RNF150: variants seen among roughly 807,000 people sequenced by gnomAD.
The protein encoded by RNF150 is ring finger protein 150.
A neutral mutation model predicts 39.3 loss-of-function variants in RNF150; 24 were observed. That is an observed-to-expected ratio of 0.61 (90% confidence interval 0.44 to 0.86). RNF150 has a LOEUF of 0.86. Among genes scored for constraint, RNF150 ranks in the 40% least tolerant of loss-of-function variants. The probability of loss-of-function intolerance (pLI) is 0.00; values close to 1 mark genes in which losing one functional copy is unlikely to be tolerated. For missense variants in RNF150, 502 were observed against 587.8 expected (o/e 0.85, Z 1.51); for synonymous variants, 255 against 227.3 (o/e 1.12, Z -1.10).
chr4:140,955,599 C>G (rs1732717779), intron 2 of RNF150, among the ~76,000 whole-genome samples: 1 of 152,082 alleles, frequency 6.6e-6, no homozygotes, highest in South Asian at 2.1e-4. Context: ...CTAAAAAAAG[C>G]AAATCAAGGG....
At chr4:141,136,333 C>A (rs1490249752), upstream of RNF150, among the ~76,000 whole-genome samples, 1 of 151,856 alleles carries the variant, frequency 6.6e-6, no homozygotes, top group African/African-American at 2.4e-5. Flanking sequence ...ATTCTTTCTG[C>A]AACTTACTCT....
intron 1 of RNF150, among the ~76,000 whole-genome samples, chr4:141,104,288 C>T (rs1739124229): frequency 6.6e-6 from 1 of 152,188 alleles, no homozygotes; most frequent in Non-Finnish European, 1.5e-5. Context: ...TCGTGGGTGT[C>T]AAGCATAACC....
At chr4:141,026,455 C>T (rs979988337) in intron 1 of RNF150, among the ~76,000 whole-genome samples, 15 of 152,072 alleles carry the variant, frequency 9.9e-5, no homozygotes, top group African/African-American at 3.6e-4. Context: ...TGGCTAGTGG[C>T]GACTGCACTG....
At chr4:141,127,766 A>G (rs1333796580) in intron 1 of RNF150, among the ~76,000 whole-genome samples, 1 of 152,136 alleles carries the variant, frequency 6.6e-6, no homozygotes, top group East Asian at 1.9e-4. Flanking sequence ...TTCTTCCTAG[A>G]CAGCTAGATG....
chr4:141,178,852 A>G (rs2111184689), intron 1 of RNF150, among the ~76,000 whole-genome samples: 1 of 150,546 alleles, frequency 6.6e-6, no homozygotes, highest in Non-Finnish European at 1.5e-5. Flanking sequence ...AACACATACT[A>G]GTGTTCTAGG....
intron 1 of RNF150, among the ~76,000 whole-genome samples, chr4:141,005,171 A>G (rs1734816886): frequency 6.6e-6 from 1 of 152,286 alleles, no homozygotes; most frequent in African/African-American, 2.4e-5. Context: ...CAAGTTAGGG[A>G]GCATAGAAGA....
At chr4:141,136,309 AG>A (rs1470538530), upstream of RNF150, among the ~76,000 whole-genome samples, 4 of 152,196 alleles carry the variant, frequency 2.6e-5, no homozygotes, top group Non-Finnish European at 2.9e-5. Context: ...TGAAGAATTT[AG>A]CAGTGATGAG....
chr4:141,155,375 G>A (rs957324355), intron 1 of RNF150, among the ~76,000 whole-genome samples: 47 of 151,466 alleles, frequency 3.1e-4, no homozygotes, highest in Non-Finnish European at 1.0e-4. Context: ...TGGGATTACA[G>A]GCGTGAGCCA....
chr4:140,983,739 C>CTT (rs35565844), intron 1 of RNF150, among the ~76,000 whole-genome samples: 28 of 129,668 alleles, frequency 2.2e-4, no homozygotes, highest in African/African-American at 5.7e-4. Context: ...GTATAACTGC[C>CTT]TTTTTTTTTT....
chr4:141,149,578 A>G (rs1325866580), intron 1 of RNF150, among the ~76,000 whole-genome samples: 1 of 152,176 alleles, frequency 6.6e-6, no homozygotes, highest in Non-Finnish European at 1.5e-5. Flanking sequence ...GTTCCTTTAT[A>G]TGGCTGAGTA....
chr4:141,133,071 CCGCGGGG>C lies in RNF150; in HGVS notation c.-270_-264del. 2.5e-6 allele frequency: 1 copy of C among 398,508 alleles called. No individual in the cohort carries two copies. Among genetic ancestry groups the C allele is most frequent in the Non-Finnish European group, 4.5e-6 (1 of 221,234 alleles). 24.7% of individuals were successfully genotyped at this position (398,508 alleles called of 1,614,324 possible). On this transcript the variant is annotated 5_prime_UTR_variant, in exon 1 of 7. The change creates a premature stop within an existing upstream ORF in the 5' untranslated region. Transcript: ENST00000515673. ...CCCGGGGGGCGCGGGAACAGAGGGC[CCGCGGGG>C]CTTGCGGAGGAGTCCTGCTGCCGAG... is the stretch of plus-strand genomic sequence containing the variant.
chr4:141,058,425 C>G (rs62327664), intron 1 of RNF150, among the ~76,000 whole-genome samples: 18,329 of 151,978 alleles, frequency 0.12, 1,131 homozygotes, highest in South Asian at 0.16. Context: ...AATATGTGTA[C>G]CCTTTGATTT....
chr4:140,988,595 T>C lies in RNF150; in HGVS notation c.485-20722A>G, dbSNP rs191067761. 4.6e-3 allele frequency among the ~76,000 whole-genome samples: 699 copies of C among 152,162 alleles called. 5 individuals are homozygous for C. Among genetic ancestry groups the C allele is most frequent in the African/African-American group, 0.016 (667 of 41,514 alleles). On this transcript the variant is annotated intron_variant, in intron 1 of 6. Transcript: ENST00000515673. Reference sequence around the variant, plus strand: ...TGTTGGTGTGCTGCACTCATTAACTTGTCATTTACATTAGGTATATCTCCT... The same window carrying C: ...TGTTGGTGTGCTGCACTCATTAACTCGTCATTTACATTAGGTATATCTCCT...
intron 1 of RNF150, among the ~76,000 whole-genome samples, chr4:140,972,199 C>G (rs955377485): frequency 7.2e-5 from 11 of 152,130 alleles, no homozygotes; most frequent in Admixed American, 1.3e-4. Flanking sequence ...CTATAGTCCT[C>G]TCTTGTTGAT....
intron 6 of RNF150, among the ~76,000 whole-genome samples, chr4:140,872,238 A>G (rs767068989): frequency 2.0e-5 from 3 of 152,252 alleles, no homozygotes; most frequent in African/African-American, 4.8e-5. Context: ...GCTATTAACA[A>G]CATAAATGTC....
intron 2 of RNF150, 145 bp from the exon 3 acceptor site, chr4:140,949,517 G>T: frequency 1.5e-6 from 1 of 674,242 alleles, no homozygotes; most frequent in Non-Finnish European, 2.6e-6. Flanking sequence ...GAAAAGACAG[G>T]GCAGTGGCAT....
chr4:140,909,484 C>G (rs1164147755), intron 6 of RNF150, among the ~76,000 whole-genome samples: 1 of 151,970 alleles, frequency 6.6e-6, no homozygotes, highest in African/African-American at 2.4e-5. Flanking sequence ...CTGTTTACTT[C>G]TTGAGCCACT....
At chr4:140,988,503 T>C (rs1462193351) in intron 1 of RNF150, among the ~76,000 whole-genome samples, 1 of 152,098 alleles carries the variant, frequency 6.6e-6, no homozygotes, top group African/African-American at 2.4e-5. Context: ...ATATATTTTA[T>C]TATACTTTAA....
chr4:141,119,917 A>G (rs1324302616), intron 1 of RNF150, among the ~76,000 whole-genome samples: 1 of 152,250 alleles, frequency 6.6e-6, no homozygotes, highest in Non-Finnish European at 1.5e-5. Context: ...TTAAGCATTC[A>G]AATTAAATAT....
Sources: allele counts gnomAD v4.1 joint callset (sites outside exome capture counted in the v4.1 genomes callset), GRCh38; gene constraint gnomAD v4.1.1; transcripts MANE v1.5; gene names NCBI Gene and HGNC (gene_info 2026-07-23, HGNC 2026-07-21).